APLF: variants seen among roughly 807,000 people sequenced by gnomAD.
APLF encodes aprataxin and PNKP like factor, also known as aprataxin and PNK-like factor.
APLF carries 61 observed loss-of-function variants against 55.6 expected under a neutral mutation model. The ratio of observed to expected loss-of-function variants is 1.10; its 90% CI spans 0.89 to 1.36. The LOEUF (loss-of-function observed/expected upper bound fraction) is 1.36. Among genes scored for constraint, APLF ranks in the 40% most tolerant of loss-of-function variants. The pLI is 0.00. For synonymous variants in APLF, 207 were observed against 214.8 expected (o/e 0.96, Z 0.32); for missense variants, 611 against 602.5 (o/e 1.01, Z -0.15).
chr2:68,535,092 T>C (rs1670351258), intron 6 of APLF, among the ~76,000 whole-genome samples: 1 of 152,222 alleles, frequency 6.6e-6, no homozygotes, highest in Non-Finnish European at 1.5e-5. Flanking sequence ...GTATTGATAT[T>C]TGGGACTTTA....
At chr2:68,559,759 C>G (rs993781227) in intron 8 of APLF, among the ~76,000 whole-genome samples, 2 of 152,094 alleles carry the variant, frequency 1.3e-5, no homozygotes, top group Admixed American at 6.6e-5. Flanking sequence ...CAGTAGTTTC[C>G]CGATATCCCT....
Position 68,580,145 on chromosome 2 carries a change from A to G in APLF, c.*2123A>G, listed in dbSNP as rs977373338. 1 of 922,382 alleles carries G rather than the reference A, an allele frequency of 1.1e-6. No homozygotes were observed. Among genetic ancestry groups the G allele is most frequent in the African/African-American group, 1.8e-5 (1 of 55,962 alleles). 57.1% of individuals were successfully genotyped at this position (922,382 alleles called of 1,614,324 possible). A position where few individuals can be genotyped will look rare whatever the true frequency, so the allele number is the denominator to read the frequency against. ...TTTGAGTATAACTATTGTATAAATA[A>G]ATGTATAGCTTAATTGACTGAAGTG... On this transcript the variant is annotated 3_prime_UTR_variant, in exon 10 of 10. Coordinates refer to ENST00000303795, the MANE Select transcript of APLF (RefSeq NM_173545.3).
chr2:68,514,853 A>C (rs886690060), intron 5 of APLF, among the ~76,000 whole-genome samples: 9 of 151,888 alleles, frequency 5.9e-5, no homozygotes, highest in African/African-American at 1.7e-4. Context: ...CTCTTTGGTC[A>C]ATCTCCAGTG....
intron 1 of APLF, among the ~76,000 whole-genome samples, chr2:68,483,460 T>C (rs933250969): frequency 1.2e-4 from 19 of 152,208 alleles, no homozygotes; most frequent in African/African-American, 4.6e-4. Context: ...CTTGCCACTC[T>C]CTTGCTGCAC....
chr2:68,563,295 A>C, intron 8 of APLF: 1 of 984,574 alleles, frequency 1.0e-6, no homozygotes, highest in South Asian at 4.7e-5. Context: ...TTAAAATATA[A>C]AATTTCACAT....
chr2:68,568,106 A>G (rs1671356044), intron 9 of APLF: 1 of 175,000 alleles, frequency 5.7e-6, no homozygotes. Context: ...GAGACACCAG[A>G]GAAGCAACCA....
intron 9 of APLF, chr2:68,568,128 T>A (rs1347262542): frequency 4.2e-6 from 1 of 238,474 alleles, no homozygotes; most frequent in Non-Finnish European, 6.8e-6. Flanking sequence ...CAAATGTCCT[T>A]CTGTCCTACT....
In APLF at chr2:68,543,385, C is replaced by T. The variant is rs532884856; in HGVS notation, c.1161-1802C>T. Among the ~76,000 whole-genome samples the T allele has an allele frequency of 4.6e-5, 7 of 152,272 alleles. No individual in the cohort carries two copies. The South Asian group carries it at 1.5e-3, about 32-fold the overall frequency. On this transcript the variant is annotated intron_variant, in intron 7 of 9. Transcript: ENST00000303795. ...AAAGCAGTAGGCCAGATTTGGCCTG[C>T]TGTTCATGGTTTGCCACTCTCTGCT...
chr2:68,505,735 G>A (rs1676856198), intron 3 of APLF, among the ~76,000 whole-genome samples: 1 of 151,924 alleles, frequency 6.6e-6, no homozygotes, highest in African/African-American at 2.4e-5. Flanking sequence ...TGGAGTGTTG[G>A]GGTACACCAC....
At chr2:68,493,146 T>C (rs775481943) in intron 2 of APLF, among the ~76,000 whole-genome samples, 59 of 152,226 alleles carry the variant, frequency 3.9e-4, no homozygotes, top group African/African-American at 8.4e-4. Flanking sequence ...TTACAACTAA[T>C]TGATGATCTG....
chr2:68,566,349 T>G (rs1020132574), intron 8 of APLF, among the ~76,000 whole-genome samples: 3 of 152,068 alleles, frequency 2.0e-5, no homozygotes, highest in African/African-American at 7.2e-5. Flanking sequence ...TATTTTTCAG[T>G]GAAGAAAGTG....
chr2:68,467,841 G>C lies in APLF; in HGVS notation c.96+14G>C, dbSNP rs1360378462. ...CCGCTGCTGGGAGTAAGTGTGGGCG[G>C]GGGCTTAGCGGACCCCGAGAGCCGT... On this transcript the variant is annotated intron_variant, in intron 1 of 9. Coordinates refer to ENST00000303795, the MANE Select transcript of APLF (RefSeq NM_173545.3). The C allele has an allele frequency of 4.9e-6, 6 of 1,231,714 alleles. No homozygotes were observed. The highest frequency in any genetic ancestry group is 5.1e-6 in the Non-Finnish European group (5 of 987,756). The allele number at this position is 1,231,714 out of a possible 1,614,324, so 76.3% of individuals were successfully genotyped here. A position where few individuals can be genotyped will look rare whatever the true frequency, so the allele number is the denominator to read the frequency against.
intron 5 of APLF, among the ~76,000 whole-genome samples, chr2:68,518,974 C>A (rs1241353686): frequency 2.8e-5 from 3 of 107,322 alleles, no homozygotes; most frequent in African/African-American, 7.8e-5. Flanking sequence ...TAATAATATG[C>A]TATTAATATA....
At chr2:68,518,611 T>TAATATATCATGAATATATAATATATC (rs1558539707) in intron 5 of APLF, among the ~76,000 whole-genome samples, 1 of 113,268 alleles carries the variant, frequency 8.8e-6, no homozygotes, top group African/African-American at 3.8e-5. Flanking sequence ...AATATATCAT[T>TAATATATCATGAATATATAATATATC]AATATATCAT....
chr2:68,572,168 T>C (rs1017951597), intron 9 of APLF, among the ~76,000 whole-genome samples: 6 of 152,024 alleles, frequency 3.9e-5, no homozygotes, highest in African/African-American at 1.4e-4. Context: ...GCTAAGAGAA[T>C]ATGGAATATG....
intron 8 of APLF, among the ~76,000 whole-genome samples, chr2:68,560,083 GTGTGATATA>G (rs1671128907): frequency 6.6e-6 from 1 of 152,040 alleles, no homozygotes; most frequent in Non-Finnish European, 1.5e-5. Flanking sequence ...TCAGATATGT[GTGTGATATA>G]CCTCCTCAGA....
intron 5 of APLF, among the ~76,000 whole-genome samples, chr2:68,518,654 G>T (rs1258294866): frequency 1.0e-4 from 12 of 120,188 alleles, no homozygotes; most frequent in African/African-American, 3.0e-4. Flanking sequence ...AATATATCAT[G>T]AATATATAAT....
intron 8 of APLF, among the ~76,000 whole-genome samples, chr2:68,551,895 C>G (rs574643818): frequency 5.0e-4 from 76 of 152,018 alleles, no homozygotes; most frequent in Non-Finnish European, 1.0e-3. Flanking sequence ...GATACCACCT[C>G]TACTTGGCAG....
rs1306714494 is a variant in APLF at position 68,567,374 on chromosome 2, T to TA, written c.1322dup (p.Asn441LysfsTer11). On this transcript the variant is annotated frameshift_variant, in exon 9 of 10. Transcript: ENST00000303795. LOFTEE classifies it high-confidence loss of function. The stretch of plus-strand genomic sequence containing the variant: ...CCCAGCACAAGATAGAATATAGACA[T>TA]AATACGCTTCCAGGTAAGTAAGTTT... 4.4e-6 allele frequency: 7 copies of TA among 1,603,494 alleles called. No homozygotes were observed. The highest frequency in any genetic ancestry group is 6.0e-6 in the Non-Finnish European group (7 of 1,175,282).
Sources: gnomAD v4.1 joint callset for allele counts (sites outside exome capture counted in the v4.1 genomes callset) on GRCh38, gnomAD v4.1.1 for gene constraint, MANE v1.5 for transcripts, NCBI Gene and HGNC (gene_info 2026-07-23, HGNC 2026-07-21) for gene names.